Variants in PITPNC1 observed in about 807,000 individuals in gnomAD.
PITPNC1 encodes the protein cytoplasmic phosphatidylinositol transfer protein 1.
Under a neutral mutation model 44.7 loss-of-function variants are expected in PITPNC1, and 18 were observed. The observed-to-expected ratio is 0.40, with a 90% CI of 0.28 to 0.60. PITPNC1 has a LOEUF of 0.60. Ranked by LOEUF, PITPNC1 falls within the 20% of genes least tolerant of loss-of-function variation. The probability of loss-of-function intolerance (pLI) is 0.39; values close to 1 mark genes in which losing one functional copy is unlikely to be tolerated. For synonymous variants in PITPNC1, 141 were observed against 149.6 expected, an observed-to-expected ratio of 0.94 and a Z score of 0.42; for missense variants, 290 against 418.4, an observed-to-expected ratio of 0.69 and a Z score of 2.68.
chr17:67,550,223 A>C (rs2040741579), intron 2 of PITPNC1, among the ~76,000 whole-genome samples: 1 of 152,182 alleles, frequency 6.6e-6, no homozygotes, highest in African/African-American at 2.4e-5. Context: ...TTGTTATGTG[A>C]ATGATCAAAC....
intron 6 of PITPNC1, among the ~76,000 whole-genome samples, chr17:67,666,133 G>A (rs1484886090): frequency 2.7e-5 from 4 of 147,720 alleles, no homozygotes; most frequent in African/African-American, 4.9e-5. Context: ...CTGAGCCACC[G>A]TGCCTGGCCA....
At chr17:67,574,191 G>A (rs970020826) in intron 4 of PITPNC1, among the ~76,000 whole-genome samples, 1 of 152,102 alleles carries the variant, frequency 6.6e-6, no homozygotes, top group Non-Finnish European at 1.5e-5. Context: ...TCTCCACCTG[G>A]GGCAACTGGG....
intron 1 of PITPNC1, chr17:67,459,837 C>G (rs1158779467): frequency 6.6e-6 from 1 of 152,188 alleles, no homozygotes; most frequent in Non-Finnish European, 1.5e-5. Flanking sequence ...AAATAGCTAC[C>G]TTTATTTCCA....
chr17:67,415,844 C>T (rs370509111), intron 1 of PITPNC1, among the ~76,000 whole-genome samples: 8 of 151,584 alleles, frequency 5.3e-5, no homozygotes, highest in African/African-American at 1.9e-4. Flanking sequence ...CCAACTTAGA[C>T]TTGATAAATA....
At chr17:67,502,265 G>A (rs889375549) in intron 1 of PITPNC1, among the ~76,000 whole-genome samples, 3 of 149,482 alleles carry the variant, frequency 2.0e-5, no homozygotes, top group Admixed American at 1.4e-4. Flanking sequence ...CATAATCCGT[G>A]TTTTAAGATT....
intron 6 of PITPNC1, among the ~76,000 whole-genome samples, chr17:67,650,529 A>G (rs1231755623): frequency 7.1e-6 from 1 of 139,864 alleles, no homozygotes; most frequent in African/African-American, 2.8e-5. Context: ...GCTCACTGCA[A>G]CCTCTGCCTC....
At chr17:67,599,343 A>G (rs959173708) in intron 5 of PITPNC1, among the ~76,000 whole-genome samples, 2 of 152,090 alleles carry the variant, frequency 1.3e-5, no homozygotes, top group Admixed American at 1.3e-4. Flanking sequence ...GCCGAGACCT[A>G]GAGATACAGA....
intron 6 of PITPNC1, chr17:67,638,728 C>A (rs1461442232): frequency 1.3e-5 from 2 of 152,166 alleles, no homozygotes; most frequent in African/African-American, 4.8e-5. Context: ...TCAGGGCCAT[C>A]TGGCAATATC....
At chr17:67,384,215 G>A (rs576830126) in intron 1 of PITPNC1, among the ~76,000 whole-genome samples, 11 of 152,096 alleles carry the variant, frequency 7.2e-5, no homozygotes, top group African/African-American at 2.7e-4. Context: ...AAAAGAGAAG[G>A]AAAGGAAAGA....
chr17:67,484,733 T>G (rs1477210158), intron 1 of PITPNC1, among the ~76,000 whole-genome samples: 1 of 152,016 alleles, frequency 6.6e-6, no homozygotes, highest in African/African-American at 2.4e-5. Context: ...AGGTCAGGAG[T>G]TCGAGACCAG....
At chr17:67,514,634 G>A (rs377018913) in intron 1 of PITPNC1, among the ~76,000 whole-genome samples, 2 of 149,742 alleles carry the variant, frequency 1.3e-5, no homozygotes, top group African/African-American at 4.9e-5. Context: ...AGACCAGCCT[G>A]GCCAACATGG....
At chr17:67,507,515 T>A (rs918948645) in intron 1 of PITPNC1, among the ~76,000 whole-genome samples, 2 of 151,784 alleles carry the variant, frequency 1.3e-5, no homozygotes, top group African/African-American at 4.8e-5. Flanking sequence ...TGAAACCCCA[T>A]CTCCACTAAA....
At chr17:67,419,828 CCCGGGAGGTGGAAGTTGCAGTG>C (rs534661682) in intron 1 of PITPNC1, among the ~76,000 whole-genome samples, 371 of 152,124 alleles carry the variant, frequency 2.4e-3, no homozygotes, top group African/African-American at 8.7e-3. Flanking sequence ...ATTGCTTAAA[CCCGGGAGGTGGAAGTTGCAGTG>C]AGCCGAGACT....
chr17:67,599,034 A>ATATATTTTT (rs1461493250), intron 5 of PITPNC1, among the ~76,000 whole-genome samples: 1 of 35,672 alleles, frequency 2.8e-5, no homozygotes, highest in African/African-American at 1.1e-4. Flanking sequence ...ATATATATAT[A>ATATATTTTT]TTTTTTTTTT....
chr17:67,555,672 C>CAAAAAAAAAAAA (rs67935513), intron 4 of PITPNC1, among the ~76,000 whole-genome samples: 1 of 78,136 alleles, frequency 1.3e-5, no homozygotes. Context: ...ACTAAAAATA[C>CAAAAAAAAAAAA]AAAAAAAAAA....
intron 1 of PITPNC1, among the ~76,000 whole-genome samples, chr17:67,500,898 C>T (rs2040018783): frequency 6.6e-6 from 1 of 151,784 alleles, no homozygotes; most frequent in South Asian, 2.1e-4. Context: ...CTATATTGCC[C>T]AGGCTGGTCT....
chr17:67,687,207 G>C, intron 8 of PITPNC1: 1 of 1,248,080 alleles, frequency 8.0e-7, no homozygotes. Flanking sequence ...TTTAAAACAT[G>C]TTGCCCACCC....
chr17:67,549,966 G>T (rs115377986), intron 2 of PITPNC1, among the ~76,000 whole-genome samples: 1 of 152,068 alleles, frequency 6.6e-6, no homozygotes, highest in South Asian at 2.1e-4. Flanking sequence ...TAGGGTGTGG[G>T]GGCAAACAGG....
chr17:67,620,510 C>A (rs151055376), intron 5 of PITPNC1, among the ~76,000 whole-genome samples: 1 of 152,306 alleles, frequency 6.6e-6, no homozygotes, highest in African/African-American at 2.4e-5. Context: ...CAACCCCTCA[C>A]CCTTCTCTAT....
Sources: gnomAD v4.1 joint callset for allele counts (sites outside exome capture counted in the v4.1 genomes callset) on GRCh38, gnomAD v4.1.1 for gene constraint, MANE v1.5 for transcripts, NCBI Gene and HGNC (gene_info 2026-07-23, HGNC 2026-07-21) for gene names.